The following ADGRL3 variants were observed in gnomAD, a reference collection of about 807,000 sequenced individuals.
ADGRL3 encodes calcium-independent alpha-latrotoxin receptor 3.
A neutral mutation model predicts 153.5 loss-of-function variants in ADGRL3; 62 were observed. That is an observed-to-expected ratio of 0.40 (90% CI 0.33 to 0.50). The LOEUF (loss-of-function observed/expected upper bound fraction) is 0.50, where lower values mean the gene tolerates loss of function less well. ADGRL3 is among the 20% of genes least tolerant of loss of function. The pLI is 0.47. For synonymous variants in ADGRL3, 710 were observed against 672.5 expected (o/e 1.06, Z -0.86); for missense variants, 1,641 against 1,859.4 (o/e 0.88, Z 2.16).
intron 1 of ADGRL3, among the ~76,000 whole-genome samples, chr4:61,305,030 A>C (rs1161475551): frequency 6.6e-6 from 1 of 152,224 alleles, no homozygotes; most frequent in Non-Finnish European, 1.5e-5. Context: ...TTTATAACTA[A>C]TTAAATTGGA....
At chr4:61,580,363 A>G (rs1001842932) in intron 4 of ADGRL3, among the ~76,000 whole-genome samples, 1 of 152,094 alleles carries the variant, frequency 6.6e-6, no homozygotes, top group African/African-American at 2.4e-5. Flanking sequence ...TAAAAAACTA[A>G]TAGCCTAAAT....
At chr4:61,665,967 C>G (rs2094779437) in intron 5 of ADGRL3, among the ~76,000 whole-genome samples, 1 of 152,132 alleles carries the variant, frequency 6.6e-6, no homozygotes, top group Non-Finnish European at 1.5e-5. Flanking sequence ...TATGCCATGT[C>G]TGTTACATTA....
At chr4:61,744,741 T>A (rs1411842563) in intron 8 of ADGRL3, among the ~76,000 whole-genome samples, 1 of 151,886 alleles carries the variant, frequency 6.6e-6, no homozygotes, top group Non-Finnish European at 1.5e-5. Flanking sequence ...AGACCAAAAG[T>A]AGATAAAACC....
chr4:61,843,619 A>G (rs2098067537), intron 9 of ADGRL3, among the ~76,000 whole-genome samples: 1 of 152,188 alleles, frequency 6.6e-6, no homozygotes, highest in East Asian at 1.9e-4. Flanking sequence ...TTTCCTCGAA[A>G]GAGAAAAAAA....
At chr4:61,840,324 C>G (rs941679015) in intron 9 of ADGRL3, among the ~76,000 whole-genome samples, 6 of 152,232 alleles carry the variant, frequency 3.9e-5, no homozygotes, top group African/African-American at 7.2e-5. Context: ...AAGTGATTCA[C>G]CTGCCTCAGC....
chr4:61,769,973 AG>A (rs1363038111), intron 8 of ADGRL3, among the ~76,000 whole-genome samples: 1 of 152,204 alleles, frequency 6.6e-6, no homozygotes, highest in African/African-American at 2.4e-5. Context: ...CTGGGCGTAC[AG>A]GTGCAGGTCA....
chr4:61,560,927 ATGGTAACGGGTCGC>A (rs1430381624), intron 4 of ADGRL3, among the ~76,000 whole-genome samples: 1 of 152,148 alleles, frequency 6.6e-6, no homozygotes, highest in Non-Finnish European at 1.5e-5. Context: ...GTGAAAGGTC[ATGGTAACGGGTCGC>A]TAATAACTTG....
intron 5 of ADGRL3, among the ~76,000 whole-genome samples, chr4:61,638,830 GAT>G (rs1220645722): frequency 6.6e-6 from 1 of 152,148 alleles, no homozygotes; most frequent in African/African-American, 2.4e-5. Flanking sequence ...CTTAAATGAT[GAT>G]ATTTTGGCTC....
intron 1 of ADGRL3, among the ~76,000 whole-genome samples, chr4:61,277,886 C>G (rs2093547005): frequency 6.6e-6 from 1 of 152,150 alleles, no homozygotes; most frequent in South Asian, 2.1e-4. Context: ...GGAGTGGCCA[C>G]TTAACTGGCA....
intron 1 of ADGRL3, among the ~76,000 whole-genome samples, chr4:61,350,757 C>T (rs77461578): frequency 0.019 from 2,863 of 152,222 alleles, 82 homozygotes; most frequent in South Asian, 0.084. Context: ...CCATAAAACA[C>T]AGCAGTGAAC....
At chr4:61,792,325 G>C (rs1375742556) in intron 8 of ADGRL3, among the ~76,000 whole-genome samples, 1 of 152,052 alleles carries the variant, frequency 6.6e-6, no homozygotes, top group Non-Finnish European at 1.5e-5. Context: ...CTAAAACATA[G>C]CAAGAGTCAC....
chr4:61,432,570 C>T (rs967453328), intron 2 of ADGRL3, among the ~76,000 whole-genome samples: 1 of 71,528 alleles, frequency 1.4e-5, no homozygotes, highest in Non-Finnish European at 2.7e-5. Context: ...TTTTCTTTCT[C>T]TTCCTTTCTT....
intron 9 of ADGRL3, among the ~76,000 whole-genome samples, chr4:61,887,548 T>C (rs1030494259): frequency 2.6e-5 from 4 of 152,136 alleles, no homozygotes; most frequent in African/African-American, 9.7e-5. Flanking sequence ...ATAGTGACTT[T>C]AAAATATTGC....
At chr4:61,642,084 TC>T (rs1282170760) in intron 5 of ADGRL3, among the ~76,000 whole-genome samples, 1 of 149,372 alleles carries the variant, frequency 6.7e-6, no homozygotes, top group African/African-American at 2.5e-5. Flanking sequence ...ATAAATGTCT[TC>T]TTTTGAGAAG....
intron 3 of ADGRL3, among the ~76,000 whole-genome samples, chr4:61,516,966 A>G (rs2098499715): frequency 6.6e-6 from 1 of 152,078 alleles, no homozygotes; most frequent in Admixed American, 6.5e-5. Context: ...TTTACATTAG[A>G]GTGCTGTGAA....
At chr4:61,871,135 A>C (rs1193884098) in intron 9 of ADGRL3, among the ~76,000 whole-genome samples, 1 of 152,024 alleles carries the variant, frequency 6.6e-6, no homozygotes, top group Non-Finnish European at 1.5e-5. Context: ...AAAATTAGCC[A>C]GGTGTGGTGG....
chr4:61,619,589 T>C (rs2092348240), intron 5 of ADGRL3, among the ~76,000 whole-genome samples: 2 of 152,072 alleles, frequency 1.3e-5, no homozygotes, highest in African/African-American at 4.8e-5. Flanking sequence ...TATGTATTTG[T>C]TATACTTTCG....
At chr4:61,603,828 A>T (rs1484581279) in intron 5 of ADGRL3, among the ~76,000 whole-genome samples, 1 of 152,098 alleles carries the variant, frequency 6.6e-6, no homozygotes, top group Non-Finnish European at 1.5e-5. Context: ...AGAATCTTTG[A>T]GGTTCCTGCA....
At chr4:61,522,811 C>A (rs1421796730) in intron 4 of ADGRL3, among the ~76,000 whole-genome samples, 2 of 152,082 alleles carry the variant, frequency 1.3e-5, no homozygotes, top group Non-Finnish European at 2.9e-5. Flanking sequence ...ACGTCTTATC[C>A]TTCAGCCACA....
Sources: gnomAD v4.1 joint callset for allele counts (sites outside exome capture counted in the v4.1 genomes callset) on GRCh38, gnomAD v4.1.1 for gene constraint, MANE v1.5 for transcripts, NCBI Gene and HGNC (gene_info 2026-07-23, HGNC 2026-07-21) for gene names.